Variants in CCDC60 observed in about 807,000 individuals in gnomAD.
CCDC60 encodes the protein coiled-coil domain-containing protein 60.
Under a neutral mutation model 63.5 loss-of-function variants are expected in CCDC60, and 54 were observed. The ratio of observed to expected loss-of-function variants is 0.85; its 90% CI spans 0.68 to 1.07. CCDC60 has a LOEUF of 1.07. Ranked by LOEUF, CCDC60 falls within the 50% of genes least tolerant of loss-of-function variation. The probability of loss-of-function intolerance (pLI) is 0.00; values close to 1 mark genes in which losing one functional copy is unlikely to be tolerated. For synonymous variants in CCDC60, 206 were observed against 238.8 expected, an observed-to-expected ratio of 0.86 and a Z score of 1.27; for missense variants, 651 against 684.3, an observed-to-expected ratio of 0.95 and a Z score of 0.54.
chr12:119,417,982 G>A (rs1938686624), intron 1 of CCDC60, among the ~76,000 whole-genome samples: 2 of 152,144 alleles, frequency 1.3e-5, no homozygotes, highest in South Asian at 4.1e-4. Flanking sequence ...TGGGGTTTCA[G>A]TCACTTCATA....
At chr12:119,523,546 C>T in intron 10 of CCDC60, 147 bp from the exon 11 acceptor site, 3 of 986,786 alleles carry the variant, frequency 3.0e-6, no homozygotes, top group Non-Finnish European at 4.4e-6. Flanking sequence ...CTTAGGGAGG[C>T]TCCAGGTGAG....
At chr12:119,512,012 G>A (rs1223795661) in intron 7 of CCDC60, among the ~76,000 whole-genome samples, 1 of 152,172 alleles carries the variant, frequency 6.6e-6, no homozygotes, top group Non-Finnish European at 1.5e-5. Context: ...ATTGAGAGCT[G>A]GAGTAGAAAA....
chr12:119,490,755 G>A (rs947819331), intron 5 of CCDC60, among the ~76,000 whole-genome samples: 16 of 151,836 alleles, frequency 1.1e-4, no homozygotes, highest in African/African-American at 3.4e-4. Flanking sequence ...TGTTTTTTAA[G>A]TTTTTTAGAG....
chr12:119,337,105 C>T (rs1955479638), intron 1 of CCDC60, among the ~76,000 whole-genome samples: 1 of 152,206 alleles, frequency 6.6e-6, no homozygotes, highest in Admixed American at 6.5e-5. Flanking sequence ...TCCCAAGCTG[C>T]TCTTCTCTAA....
At chr12:119,373,526 T>C (rs927942519) in intron 1 of CCDC60, among the ~76,000 whole-genome samples, 9 of 152,040 alleles carry the variant, frequency 5.9e-5, no homozygotes, top group South Asian at 4.2e-4. Context: ...TGTAGGACCA[T>C]GTCTGTCACC....
intron 3 of CCDC60, among the ~76,000 whole-genome samples, chr12:119,474,082 G>A (rs546528251): frequency 4.8e-4 from 73 of 152,110 alleles, no homozygotes; most frequent in African/African-American, 1.7e-3. Context: ...TTACATTCCC[G>A]AAAAAAAGTG....
intron 1 of CCDC60, among the ~76,000 whole-genome samples, chr12:119,377,825 C>T (rs1020547906): frequency 1.3e-5 from 2 of 152,250 alleles, no homozygotes; most frequent in Non-Finnish European, 2.9e-5. Flanking sequence ...GAAGTGCTTG[C>T]GGTATGCCAG....
chr12:119,350,259 A>G (rs1187072272), intron 1 of CCDC60, among the ~76,000 whole-genome samples: 1 of 151,928 alleles, frequency 6.6e-6, no homozygotes, highest in African/African-American at 2.4e-5. Flanking sequence ...GTGCAGTAGC[A>G]TGATCTCGGC....
chr12:119,492,110 A>C (rs1212823945), intron 5 of CCDC60, among the ~76,000 whole-genome samples: 1 of 152,194 alleles, frequency 6.6e-6, no homozygotes, highest in Admixed American at 6.6e-5. Context: ...TGAGGTAAAA[A>C]ATGCAGTCCA....
intron 5 of CCDC60, among the ~76,000 whole-genome samples, chr12:119,496,069 T>C (rs1364620326): frequency 6.6e-6 from 1 of 152,132 alleles, no homozygotes; most frequent in Non-Finnish European, 1.5e-5. Context: ...AGTGGGAGAA[T>C]GTGGCAGGAG....
At chr12:119,337,136 A>G (rs942165106) in intron 1 of CCDC60, among the ~76,000 whole-genome samples, 1 of 151,982 alleles carries the variant, frequency 6.6e-6, no homozygotes, top group Non-Finnish European at 1.5e-5. Context: ...ATCTCTGTGC[A>G]CTCCTCATTA....
At chr12:119,363,217 C>G (rs1352778408) in intron 1 of CCDC60, among the ~76,000 whole-genome samples, 1 of 152,230 alleles carries the variant, frequency 6.6e-6, no homozygotes, top group Non-Finnish European at 1.5e-5. Context: ...TTATTTTAGC[C>G]TCTCTGGTGA....
At chr12:119,511,126 T>G (rs1294280672) in intron 7 of CCDC60, among the ~76,000 whole-genome samples, 3 of 152,186 alleles carry the variant, frequency 2.0e-5, no homozygotes, top group Admixed American at 1.3e-4. Flanking sequence ...AGGAAAAGTT[T>G]GCTACTTTAG....
chr12:119,339,970 T>C (rs1439496468), intron 1 of CCDC60, among the ~76,000 whole-genome samples: 1 of 152,130 alleles, frequency 6.6e-6, no homozygotes, highest in African/African-American at 2.4e-5. Context: ...ACTTACTAGG[T>C]TGTGTGATCT....
chr12:119,517,366 G>A (rs1338261396), intron 8 of CCDC60, among the ~76,000 whole-genome samples: 1 of 152,080 alleles, frequency 6.6e-6, no homozygotes, highest in Non-Finnish European at 1.5e-5. Flanking sequence ...GAATCTTCTG[G>A]TTATTCATTC....
At position 119,408,303 on chromosome 12, in the gene CCDC60, T is replaced by C. The variant is rs374399860; in HGVS notation, c.91-20380T>C. Among the ~76,000 whole-genome samples, 9 of 152,354 alleles carry C rather than the reference T, an allele frequency of 5.9e-5. No individual in the cohort carries two copies. The South Asian group carries it at 1.9e-3, about 32-fold the overall frequency. On this transcript the variant is annotated intron_variant, in intron 1 of 13. Coordinates refer to ENST00000327554, the MANE Select transcript of CCDC60 (RefSeq NM_178499.5). ...AACATTGATTATCTCACAATCTCTG[T>C]GGGTCGGGAATCTAGGCATGGCTTA...
intron 5 of CCDC60, among the ~76,000 whole-genome samples, chr12:119,494,511 G>C (rs1233714706): frequency 6.6e-6 from 1 of 152,160 alleles, no homozygotes; most frequent in Admixed American, 6.5e-5. Context: ...GACCAAGTGG[G>C]TGTAATCCCT....
At chr12:119,350,868 C>A (rs896157804) in intron 1 of CCDC60, among the ~76,000 whole-genome samples, 3 of 152,152 alleles carry the variant, frequency 2.0e-5, no homozygotes, top group Non-Finnish European at 2.9e-5. Flanking sequence ...GCTGTTTCTG[C>A]CTTTGGTGTC....
intron 1 of CCDC60, among the ~76,000 whole-genome samples, chr12:119,342,846 C>T (rs1955546208): frequency 6.6e-6 from 1 of 152,184 alleles, no homozygotes; most frequent in African/African-American, 2.4e-5. Context: ...CATCTTTATT[C>T]CTGTGACCCC....
Sources: allele counts gnomAD v4.1 joint callset (sites outside exome capture counted in the v4.1 genomes callset), GRCh38; gene constraint gnomAD v4.1.1; transcripts MANE v1.5; gene names NCBI Gene and HGNC (gene_info 2026-07-23, HGNC 2026-07-21).